The following REXO5 variants were observed in gnomAD, a reference collection of about 807,000 sequenced individuals.
REXO5 encodes exonuclease NEF-sp.
Under a neutral mutation model 88.5 loss-of-function variants are expected in REXO5, and 48 were observed. The ratio of observed to expected loss-of-function variants is 0.54; its 90% CI spans 0.43 to 0.69. The LOEUF is 0.69. Among genes scored for constraint, REXO5 ranks in the 30% least tolerant of loss-of-function variants. The pLI, the probability that REXO5 is intolerant of heterozygous loss-of-function variation, is 0.00. For synonymous variants in REXO5, 311 were observed against 336.5 expected, an observed-to-expected ratio of 0.92 and a Z score of 0.83; for missense variants, 749 against 912.2, an observed-to-expected ratio of 0.82 and a Z score of 2.30.
At position 20,807,104 on chromosome 16, in the gene REXO5, G is replaced by A. The variant is rs1217568281; in HGVS notation, c.138+13G>A. ...GCCCGAGGCCAAGGTGAGCAACGGG[G>A]ATCCCGAGCAGGCGGCCCTAGGCGG... On this transcript the variant is annotated intron_variant, in intron 2 of 19. Coordinates refer to ENST00000261377, the MANE Select transcript of REXO5 (RefSeq NM_030941.3). 6.3e-7 allele frequency: 1 copy of A among 1,596,916 alleles called. No homozygotes were observed. Among genetic ancestry groups the A allele is most frequent in the Non-Finnish European group, 8.5e-7 (1 of 1,172,892 alleles).
intron 5 of REXO5, 33 bp from the exon 6 acceptor site, chr16:20,821,729 A>C: frequency 6.5e-7 from 1 of 1,528,438 alleles, no homozygotes; most frequent in Non-Finnish European, 8.7e-7. Flanking sequence ...TTAAACACAC[A>C]TTCTAATATA....
At chr16:20,807,959 A>G (rs895044707) in intron 2 of REXO5, among the ~76,000 whole-genome samples, 2 of 152,124 alleles carry the variant, frequency 1.3e-5, no homozygotes, top group Non-Finnish European at 2.9e-5. Context: ...CCGGGCCACA[A>G]AGCAGCAGGA....
At chr16:20,816,237 GCTTTGCTCACT>G in intron 5 of REXO5, 25 bp downstream of exon 5, 1 of 1,551,406 alleles carries the variant, frequency 6.4e-7, no homozygotes, top group Non-Finnish European at 8.9e-7. Context: ...CTGGTTTGAT[GCTTTGCTCACT>G]CTAAAAGATA....
intron 3 of REXO5, 134 bp from the exon 4 acceptor site, chr16:20,814,793 A>G: frequency 1.2e-6 from 1 of 805,522 alleles, no homozygotes; most frequent in Non-Finnish European, 1.9e-6. Context: ...TTCCAGGCAG[A>G]CGGTGAATGG....
In REXO5 at chr16:20,815,027, G is replaced by A. The variant is rs753666975; in HGVS notation, c.352G>A (p.Gly118Arg). The A allele has an allele frequency of 1.2e-6, 2 of 1,613,068 alleles. No homozygotes were observed. The highest frequency in any genetic ancestry group is 1.7e-6 in the Non-Finnish European group (2 of 1,179,794). Residue 118 changes from glycine to arginine, a missense_variant, in exon 4 of 20, where the codon GGA becomes AGA. By Grantham distance (125) the Gly-to-Arg change is moderately radical. Coordinates refer to ENST00000261377, the MANE Select transcript of REXO5 (RefSeq NM_030941.3). The part of the protein sequence containing the change: ...LHFYRFYLEF[G>R]CLRKAFRHKF... ...CTTTTACAGGTTCTATTTGGAGTTT[G>A]GATGTCTTCGAAAAGCATTCAGACA... is the stretch of plus-strand genomic sequence containing the variant.
At chr16:20,822,010 ATTC>A in intron 6 of REXO5, 108 bp downstream of exon 6, 1 of 1,133,540 alleles carries the variant, frequency 8.8e-7, no homozygotes, top group Non-Finnish European at 1.2e-6. Flanking sequence ...TGAGTGGCTT[ATTC>A]TTATTTCATC....
intron 6 of REXO5, among the ~76,000 whole-genome samples, chr16:20,823,703 A>G (rs986861536): frequency 2.6e-5 from 4 of 152,172 alleles, no homozygotes; most frequent in African/African-American, 7.2e-5. Context: ...GTCAAACAAG[A>G]TTTAGATGTT....
At position 20,843,988 on chromosome 16, in the gene REXO5, T is replaced by C. The variant is rs753834072; in HGVS notation, c.1681T>C (p.Ser561Pro). The change falls in exon 16 of 20, where the codon TCC (serine) becomes CCC (proline). Residue 561 changes from serine (S) to proline (P), a missense_variant. By Grantham distance (74) the Ser-to-Pro change is moderately conservative. Coordinates refer to ENST00000261377, the MANE Select transcript of REXO5 (RefSeq NM_030941.3). ...AGAAGCTGCCCAGCTGGCCATAGAA[T>C]CCTTGGATGGTATTCTGGTAGATGG... ...VLEAAQLAIE[S>P]LDGILVDGIC... is the part of the protein sequence containing the mutation. 1.2e-6 allele frequency: 2 copies of C among 1,605,932 alleles called. No individual in the cohort carries two copies. Among genetic ancestry groups the C allele is most frequent in the African/African-American group, 1.3e-5 (1 of 74,770 alleles).
chr16:20,820,189 G>C (rs1390781529), intron 5 of REXO5, among the ~76,000 whole-genome samples: 1 of 152,116 alleles, frequency 6.6e-6, no homozygotes, highest in Non-Finnish European at 1.5e-5. Flanking sequence ...TTATGCTCCT[G>C]TCTCAACTTT....
chr16:20,807,233 G>A lies in REXO5; in HGVS notation c.138+142G>A. On this transcript the variant is annotated intron_variant, in intron 2 of 19. Transcript: ENST00000261377. ...ACCTGATCCCTGATCATTAAAATGG[G>A]AATGAGTGTAATACCACCTTCCTGC... 3 of 960,644 alleles carry A rather than the reference G, an allele frequency of 3.1e-6. No individual in the cohort carries two copies. The South Asian group carries it at 5.2e-5, about 17-fold the overall frequency. 59.5% of individuals were successfully genotyped at this position (960,644 alleles called of 1,614,324 possible). A position where few individuals can be genotyped will look rare whatever the true frequency, so the allele number is the denominator to read the frequency against.
At chr16:20,833,703 T>A (rs905848209) in intron 13 of REXO5, among the ~76,000 whole-genome samples, 2 of 152,016 alleles carry the variant, frequency 1.3e-5, no homozygotes, top group African/African-American at 2.4e-5. Flanking sequence ...ATGTACACAC[T>A]CTCTCTTTCT....
chr16:20,824,247 T>C (rs2152504422), intron 6 of REXO5, among the ~76,000 whole-genome samples, 192 bp from the exon 7 acceptor site: 1 of 152,264 alleles, frequency 6.6e-6, no homozygotes, highest in Non-Finnish European at 1.5e-5. Flanking sequence ...ATTCTTTCAA[T>C]ATAAAAATGA....
Position 20,807,099 on chromosome 16 carries a change from A to C in REXO5, c.138+8A>C, listed in dbSNP as rs761588835. The C allele has an allele frequency of 1.9e-6, 3 of 1,599,192 alleles. No individual in the cohort carries two copies. The African/African-American group carries it at 4.0e-5, about 21-fold the overall frequency. On this transcript the variant is annotated splice_region_variant and intron_variant, in intron 2 of 19. Coordinates refer to ENST00000261377, the MANE Select transcript of REXO5 (RefSeq NM_030941.3). ...AGTCAGCCCGAGGCCAAGGTGAGCAACGGGGATCCCGAGCAGGCGGCCCTA... is the reference window on the plus strand; with the variant it reads ...AGTCAGCCCGAGGCCAAGGTGAGCACCGGGGATCCCGAGCAGGCGGCCCTA...
At chr16:20,806,786 C>G in intron 1 of REXO5, 81 bp downstream of exon 1, 1 of 1,201,498 alleles carries the variant, frequency 8.3e-7, no homozygotes, top group Non-Finnish European at 1.1e-6. Flanking sequence ...TCGTTGGCAC[C>G]TTCGCTTTTT....
At chr16:20,813,340 G>GTTTA in intron 3 of REXO5, 38 bp downstream of exon 3, 2 of 977,328 alleles carry the variant, frequency 2.0e-6, no homozygotes, top group Non-Finnish European at 2.9e-6. Flanking sequence ...TTGACCAGCG[G>GTTTA]TTTCTTTTTT....
At chr16:20,814,847 T>G in intron 3 of REXO5, 80 bp from the exon 4 acceptor site, 1 of 1,388,254 alleles carries the variant, frequency 7.2e-7, no homozygotes, top group Non-Finnish European at 9.6e-7. Flanking sequence ...TCCTGCGCCT[T>G]CTCCCCTATT....
chr16:20,838,925 TTCCCATTTA>T (rs2081481486), intron 13 of REXO5, among the ~76,000 whole-genome samples: 1 of 152,162 alleles, frequency 6.6e-6, no homozygotes, highest in Non-Finnish European at 1.5e-5. Context: ...AAATTTTCCT[TTCCCATTTA>T]CTGGAAACCC....
chr16:20,816,288 A>G (rs987022808), intron 5 of REXO5, 76 bp downstream of exon 5: 56 of 1,244,148 alleles, frequency 4.5e-5, no homozygotes, highest in African/African-American at 7.6e-5. Context: ...GTTTAGCACA[A>G]CAAAACTCAA....
At chr16:20,835,393 A>T (rs1238999003) in intron 13 of REXO5, among the ~76,000 whole-genome samples, 1 of 152,184 alleles carries the variant, frequency 6.6e-6, no homozygotes, top group Non-Finnish European at 1.5e-5. Context: ...TCCATAAATT[A>T]TGAGATTTTA....
Sources: gnomAD v4.1 joint callset for allele counts (sites outside exome capture counted in the v4.1 genomes callset) on GRCh38, gnomAD v4.1.1 for gene constraint, MANE v1.5 for transcripts, NCBI Gene and HGNC (gene_info 2026-07-23, HGNC 2026-07-21) for gene names.